Variants in DOK6 observed in about 807,000 individuals in gnomAD.
The protein encoded by DOK6 is downstream of tyrosine kinase 6.
A neutral mutation model predicts 44.0 loss-of-function variants in DOK6; 22 were observed. That is an observed-to-expected ratio of 0.50 (90% CI 0.36 to 0.71). The LOEUF (loss-of-function observed/expected upper bound fraction) is 0.71, where lower values mean the gene tolerates loss of function less well. DOK6 is among the 30% of genes least tolerant of loss of function. The pLI, the probability that DOK6 is intolerant of heterozygous loss-of-function variation, is 0.00. For synonymous variants in DOK6, 166 were observed against 145.5 expected (o/e 1.14, Z -1.01); for missense variants, 340 against 416.4 (o/e 0.82, Z 1.60).
At chr18:69,571,328 A>AAAC (rs1418054253) in intron 2 of DOK6, among the ~76,000 whole-genome samples, 1 of 152,070 alleles carries the variant, frequency 6.6e-6, no homozygotes, top group African/African-American at 2.4e-5. Context: ...AAAAGAGGTA[A>AAAC]AACAACAACA....
intron 3 of DOK6, among the ~76,000 whole-genome samples, chr18:69,636,409 T>C (rs1434876442): frequency 2.0e-5 from 3 of 152,180 alleles, no homozygotes; most frequent in Non-Finnish European, 2.9e-5. Flanking sequence ...TTCTTCTGTC[T>C]ATGTATATGG....
At chr18:69,712,604 G>A (rs1457410771) in intron 5 of DOK6, among the ~76,000 whole-genome samples, 1 of 152,154 alleles carries the variant, frequency 6.6e-6, no homozygotes, top group Non-Finnish European at 1.5e-5. Context: ...CAGCACTTTG[G>A]GAGGCTGAGG....
At chr18:69,786,847 T>G (rs1419201565) in intron 7 of DOK6, among the ~76,000 whole-genome samples, 1 of 152,210 alleles carries the variant, frequency 6.6e-6, no homozygotes, top group Non-Finnish European at 1.5e-5. Flanking sequence ...ATTCCTAATT[T>G]TGTAGGTCAA....
chr18:69,501,876 TA>T (rs1981058539), intron 1 of DOK6, among the ~76,000 whole-genome samples: 1 of 152,080 alleles, frequency 6.6e-6, no homozygotes, highest in Non-Finnish European at 1.5e-5. Flanking sequence ...ATGCAAAAAA[TA>T]CAGAACATAG....
intron 7 of DOK6, among the ~76,000 whole-genome samples, chr18:69,790,742 A>G (rs1308284892): frequency 1.3e-5 from 2 of 152,142 alleles, no homozygotes; most frequent in African/African-American, 4.8e-5. Flanking sequence ...ACATCAGGGG[A>G]GTATTTATCA....
chr18:69,485,160 AT>A (rs1247303299), intron 1 of DOK6, among the ~76,000 whole-genome samples: 5 of 151,992 alleles, frequency 3.3e-5, no homozygotes, highest in African/African-American at 1.2e-4. Flanking sequence ...TTGGTTTGGG[AT>A]TTGTGGAATC....
chr18:69,568,835 T>C (rs1356273147), intron 2 of DOK6, among the ~76,000 whole-genome samples: 3 of 151,622 alleles, frequency 2.0e-5, no homozygotes, highest in Non-Finnish European at 4.4e-5. Flanking sequence ...GTGCGCTCCT[T>C]ATGAGAATCT....
At chr18:69,439,814 C>G (rs561412678) in intron 1 of DOK6, among the ~76,000 whole-genome samples, 1 of 152,188 alleles carries the variant, frequency 6.6e-6, no homozygotes, top group Non-Finnish European at 1.5e-5. Flanking sequence ...CAGGCTATTT[C>G]ACTTTCTTAT....
intron 5 of DOK6, among the ~76,000 whole-genome samples, chr18:69,720,140 G>T (rs1986974930): frequency 6.6e-6 from 1 of 152,098 alleles, no homozygotes; most frequent in Non-Finnish European, 1.5e-5. Context: ...AGTGAGCCCA[G>T]ATTGTGCCAC....
At chr18:69,679,715 A>C (rs1289042188) in intron 4 of DOK6, among the ~76,000 whole-genome samples, 2 of 152,200 alleles carry the variant, frequency 1.3e-5, no homozygotes, top group African/African-American at 2.4e-5. Flanking sequence ...TGTAGCATGG[A>C]CTGTATGCTT....
chr18:69,749,940 CAAA>C (rs554880939), intron 6 of DOK6, among the ~76,000 whole-genome samples: 13 of 104,976 alleles, frequency 1.2e-4, no homozygotes, highest in Admixed American at 3.0e-4. Flanking sequence ...GAGACTCCAT[CAAA>C]AAAAAAAAAA....
chr18:69,622,791 T>A (rs1050904762), intron 3 of DOK6, among the ~76,000 whole-genome samples: 2 of 152,188 alleles, frequency 1.3e-5, no homozygotes, highest in Non-Finnish European at 2.9e-5. Flanking sequence ...AATGTGAAAC[T>A]TTAAAACAAT....
chr18:69,476,629 G>A (rs12968946), intron 1 of DOK6, among the ~76,000 whole-genome samples: 65,789 of 151,984 alleles, frequency 0.43, 14,961 homozygotes, highest in Middle Eastern at 0.55. Flanking sequence ...ACAGGAGGAG[G>A]GAAGGGATTG....
At chr18:69,464,745 T>C (rs529695768) in intron 1 of DOK6, among the ~76,000 whole-genome samples, 1 of 152,348 alleles carries the variant, frequency 6.6e-6, no homozygotes, top group South Asian at 2.1e-4. Flanking sequence ...CAATGTAAAC[T>C]ACAGAATGTA....
chr18:69,736,259 G>A (rs77077984), intron 5 of DOK6, among the ~76,000 whole-genome samples: 1,788 of 152,130 alleles, frequency 0.012, 36 homozygotes, highest in African/African-American at 0.041. Context: ...GGTTGAAATC[G>A]GTGCCCTAGT....
chr18:69,633,792 T>TCC, intron 3 of DOK6, among the ~76,000 whole-genome samples: 1 of 152,104 alleles, frequency 6.6e-6, no homozygotes. Flanking sequence ...ATAAGGAGTA[T>TCC]ATGTTGAAGA....
chr18:69,658,460 ATTG>A, intron 3 of DOK6, among the ~76,000 whole-genome samples: 1 of 152,226 alleles, frequency 6.6e-6, no homozygotes, highest in Non-Finnish European at 1.5e-5. Context: ...TAAAATAAGT[ATTG>A]TTGTAATATT....
At position 69,500,447 on chromosome 18, in the gene DOK6, C is replaced by A. The variant is rs540983028; in HGVS notation, c.67-64040C>A. Among the ~76,000 whole-genome samples the A allele has an allele frequency of 8.4e-4, 128 of 152,146 alleles. No individual in the cohort carries two copies. The South Asian group carries it at 0.015, about 17-fold the overall frequency. ...CTCCATTATACTGGCTCTCAGCTTC[C>A]TAACTTTACCTTCCATGTCCTTTTA... On this transcript the variant is annotated intron_variant, in intron 1 of 7. Coordinates refer to ENST00000382713, the MANE Select transcript of DOK6 (RefSeq NM_152721.6).
At chr18:69,777,000 T>G (rs1325846561) in intron 7 of DOK6, among the ~76,000 whole-genome samples, 14 of 57,280 alleles carry the variant, frequency 2.4e-4, no homozygotes, top group Admixed American at 6.7e-4. Context: ...GGACTGTTGT[T>G]GGGTGGGGGG....
Sources: gnomAD v4.1 joint callset for allele counts (sites outside exome capture counted in the v4.1 genomes callset) on GRCh38, gnomAD v4.1.1 for gene constraint, MANE v1.5 for transcripts, NCBI Gene and HGNC (gene_info 2026-07-23, HGNC 2026-07-21) for gene names.